SLC4A4: variants seen among roughly 807,000 people sequenced by gnomAD.
The protein encoded by SLC4A4 is solute carrier family 4 member 4.
A neutral mutation model predicts 111.5 loss-of-function variants in SLC4A4; 27 were observed. The ratio of observed to expected loss-of-function variants is 0.24; its 90% CI spans 0.18 to 0.33. SLC4A4 has a LOEUF of 0.33. SLC4A4 is among the 10% of genes least tolerant of loss of function. The probability of loss-of-function intolerance (pLI) is 1.00; values close to 1 mark genes in which losing one functional copy is unlikely to be tolerated. For synonymous variants in SLC4A4, 443 were observed against 463.4 expected (o/e 0.96, Z 0.57); for missense variants, 909 against 1,315.5 (o/e 0.69, Z 4.78).
rs74987529 is a variant in SLC4A4 at position 71,136,654 on chromosome 4, A to G, written c.-2+43862A>G. 1.8e-3 allele frequency among the ~76,000 whole-genome samples: 281 copies of G among 152,302 alleles called. 3 individuals are homozygous for G. The highest frequency in any genetic ancestry group is 6.5e-3 in the African/African-American group (271 of 41,568). On this transcript the variant is annotated intron_variant, in intron 2 of 26. Transcript: ENST00000649996. ...GAGATAGCATTTCCCCCATGCATTA[A>G]CTATGTAACTTTGAGCAAGTTACAT...
chr4:71,564,891 C>G (rs1264456061), intron 24 of SLC4A4, among the ~76,000 whole-genome samples: 3 of 151,890 alleles, frequency 2.0e-5, no homozygotes, highest in Admixed American at 2.0e-4. Flanking sequence ...TGTTTTCTTA[C>G]ACAATTCCTC....
chr4:71,510,407 C>A (rs1731806572), intron 16 of SLC4A4, among the ~76,000 whole-genome samples: 1 of 152,122 alleles, frequency 6.6e-6, no homozygotes, highest in Non-Finnish European at 1.5e-5. Context: ...GGATGAGTGC[C>A]AGGCAATTCT....
chr4:71,270,518 A>G (rs1722632511), intron 3 of SLC4A4, among the ~76,000 whole-genome samples: 2 of 152,350 alleles, frequency 1.3e-5, no homozygotes, highest in East Asian at 1.9e-4. Flanking sequence ...GGGTTTTGGA[A>G]TAAAAGACTT....
intron 18 of SLC4A4, among the ~76,000 whole-genome samples, chr4:71,539,841 C>T (rs565989784): frequency 2.0e-4 from 30 of 152,216 alleles, no homozygotes; most frequent in African/African-American, 5.5e-4. Context: ...TCAATAAATA[C>T]ATGTTGATGA....
chr4:71,276,883 A>G (rs1723108636), intron 3 of SLC4A4, among the ~76,000 whole-genome samples: 1 of 151,884 alleles, frequency 6.6e-6, no homozygotes, highest in Admixed American at 6.6e-5. Flanking sequence ...CCTTGTCTCT[A>G]CAAAAAAGAC....
At chr4:71,152,163 A>T (rs1744328052) in intron 2 of SLC4A4, among the ~76,000 whole-genome samples, 1 of 151,992 alleles carries the variant, frequency 6.6e-6, no homozygotes, top group Non-Finnish European at 1.5e-5. Context: ...CTAGAAGACT[A>T]CTCCTACATT....
chr4:71,564,031 T>C, intron 24 of SLC4A4, 142 bp downstream of exon 24: 1 of 651,560 alleles, frequency 1.5e-6, no homozygotes. Flanking sequence ...TTAATTATAA[T>C]AAAACTTTGT....
intron 1 of SLC4A4, among the ~76,000 whole-genome samples, chr4:71,208,353 C>T (rs1213760531): frequency 6.6e-6 from 1 of 151,588 alleles, no homozygotes; most frequent in Non-Finnish European, 1.5e-5. Context: ...ATGGTGTGAA[C>T]CCGGGAGGCG....
chr4:71,110,235 G>C (rs1743051133), intron 2 of SLC4A4, among the ~76,000 whole-genome samples: 2 of 151,988 alleles, frequency 1.3e-5, no homozygotes, highest in African/African-American at 2.4e-5. Context: ...TATTTTCTTA[G>C]ACAGGGTCTC....
intron 8 of SLC4A4, among the ~76,000 whole-genome samples, chr4:71,442,497 A>G (rs1297235350): frequency 6.6e-6 from 1 of 152,196 alleles, no homozygotes; most frequent in Middle Eastern, 3.2e-3. Flanking sequence ...ATCACTGAGT[A>G]GGGAGTCTCA....
chr4:71,218,378 CT>C (rs1718553627), intron 1 of SLC4A4, among the ~76,000 whole-genome samples: 1 of 152,196 alleles, frequency 6.6e-6, no homozygotes, highest in Non-Finnish European at 1.5e-5. Context: ...ATTTCAGTCA[CT>C]TGTTTGATGA....
chr4:71,149,342 G>A (rs1268960794), intron 2 of SLC4A4, among the ~76,000 whole-genome samples: 1 of 152,050 alleles, frequency 6.6e-6, no homozygotes, highest in Non-Finnish European at 1.5e-5. Context: ...TCCTCCAAAT[G>A]ATAGTCTTTT....
chr4:71,154,380 T>TA (rs746832147), intron 2 of SLC4A4, among the ~76,000 whole-genome samples: 20 of 152,084 alleles, frequency 1.3e-4, no homozygotes, highest in Non-Finnish European at 2.6e-4. Flanking sequence ...TGGAAGAAAG[T>TA]AGAGAGTTGG....
At chr4:71,487,469 G>A (rs1367252499) in intron 15 of SLC4A4, among the ~76,000 whole-genome samples, 1 of 151,558 alleles carries the variant, frequency 6.6e-6, no homozygotes, top group East Asian at 1.9e-4. Flanking sequence ...ACTTAGAACG[G>A]ACTGTGCCTC....
At chr4:71,516,543 C>G (rs1274170665) in intron 16 of SLC4A4, among the ~76,000 whole-genome samples, 2 of 152,136 alleles carry the variant, frequency 1.3e-5, no homozygotes, top group Non-Finnish European at 2.9e-5. Context: ...GTGCAAATTC[C>G]CAGTCTGGTG....
At chr4:71,066,255 T>A (rs1427134263) in intron 1 of SLC4A4, among the ~76,000 whole-genome samples, 5 of 152,252 alleles carry the variant, frequency 3.3e-5, no homozygotes, top group African/African-American at 9.6e-5. Flanking sequence ...AAGCCTCTGA[T>A]GTTTCTAATT....
At chr4:71,482,228 A>T (rs947837724) in intron 14 of SLC4A4, among the ~76,000 whole-genome samples, 1 of 151,784 alleles carries the variant, frequency 6.6e-6, no homozygotes, top group African/African-American at 2.4e-5. Context: ...ATATGCAATT[A>T]TGAAACTGCT....
chr4:71,401,503 A>G (rs1179625405), intron 7 of SLC4A4, among the ~76,000 whole-genome samples: 2 of 152,150 alleles, frequency 1.3e-5, no homozygotes, highest in East Asian at 1.9e-4. Flanking sequence ...TTTTGTTGCT[A>G]TGGAGTATTT....
At chr4:71,565,141 A>G (rs1254020754) in intron 24 of SLC4A4, among the ~76,000 whole-genome samples, 1 of 151,906 alleles carries the variant, frequency 6.6e-6, no homozygotes, top group Non-Finnish European at 1.5e-5. Flanking sequence ...AATACCCTCT[A>G]CTTGGGGTAC....
Sources: allele counts gnomAD v4.1 joint callset (sites outside exome capture counted in the v4.1 genomes callset), GRCh38; gene constraint gnomAD v4.1.1; transcripts MANE v1.5; gene names NCBI Gene and HGNC (gene_info 2026-07-23, HGNC 2026-07-21).